Variants in PARP6 observed in about 807,000 individuals in gnomAD.
The protein encoded by PARP6 is poly(ADP-ribose) polymerase family member 6, also known as protein mono-ADP-ribosyltransferase PARP6.
In PARP6, 27 loss-of-function variants were observed where a neutral mutation model predicts 92.0. The ratio of observed to expected loss-of-function variants is 0.29; its 90% CI spans 0.22 to 0.40. The LOEUF (loss-of-function observed/expected upper bound fraction) is 0.40, where lower values mean the gene tolerates loss of function less well. PARP6 is among the 10% of genes least tolerant of loss of function. The pLI is 1.00. For synonymous variants in PARP6, 272 were observed against 281.2 expected (o/e 0.97, Z 0.33); for missense variants, 501 against 784.5 (o/e 0.64, Z 4.32).
Position 72,242,371 on chromosome 15 carries a change from C to T in PARP6, c.1642-151G>A, listed in dbSNP as rs1053659465. ...CGCCGCCCAGAAAATTCTTCTTTCC[C>T]ATAATCAGTCTGGATAGGGTCACAG... On this transcript the variant is annotated intron_variant, in intron 21 of 23. Coordinates refer to ENST00000569795, the MANE Select transcript of PARP6 (RefSeq NM_001323532.2). This position sits in a 1 kb window ranked among gnomAD's most constrained non-coding sequence, Gnocchi z 4.3. 6 of 678,474 alleles carry T rather than the reference C, an allele frequency of 8.8e-6. No homozygotes were observed. In the Admixed American group the frequency reaches 1.0e-4, roughly 11 times the overall value. The allele number at this position is 678,474 out of a possible 1,614,324, so 42.0% of individuals were successfully genotyped here.
intron 14 of PARP6, 92 bp from the exon 15 acceptor site, chr15:72,254,612 T>C: frequency 1.1e-6 from 1 of 919,986 alleles, no homozygotes; most frequent in Non-Finnish European, 1.7e-6. Context: ...ACCAAAAAAG[T>C]CTAGGCCCTA....
intron 2 of PARP6, among the ~76,000 whole-genome samples, chr15:72,270,470 C>T (rs1411643784): frequency 2.0e-5 from 3 of 152,142 alleles, no homozygotes; most frequent in Non-Finnish European, 4.4e-5. Flanking sequence ...AAAGTCAAGT[C>T]TAAATGTTAA....
At chr15:72,255,778 T>TTA in intron 14 of PARP6, among the ~76,000 whole-genome samples, 1 of 74,192 alleles carries the variant, frequency 1.3e-5, no homozygotes, top group African/African-American at 3.9e-5. Flanking sequence ...CATATATTAC[T>TTA]TCTCTCTTTT....
intron 9 of PARP6, 81 bp downstream of exon 9, chr15:72,261,477 G>T: frequency 1.6e-6 from 2 of 1,240,168 alleles, no homozygotes. Flanking sequence ...AGAGGGGATA[G>T]AAACATTTAT....
At position 72,244,720 on chromosome 15, in the gene PARP6, C is replaced by T. The variant is rs561531922; in HGVS notation, c.1562-2021G>A. 2.0e-5 allele frequency: 3 copies of T among 152,330 alleles called. No individual in the cohort carries two copies. In the East Asian group the frequency reaches 5.8e-4, roughly 29 times the overall value. 9.4% of individuals were successfully genotyped at this position (152,330 alleles called of 1,614,324 possible). On this transcript the variant is annotated intron_variant, in intron 20 of 23. Coordinates refer to ENST00000569795, the MANE Select transcript of PARP6 (RefSeq NM_001323532.2). Reference sequence around the variant, plus strand: ...GTAAGTGGAACATTTGCACACATTTCCCCCAACATCCCATTATACATACTC... The same window carrying T: ...GTAAGTGGAACATTTGCACACATTTTCCCCAACATCCCATTATACATACTC...
At chr15:72,260,995 T>C (rs571435780) in intron 9 of PARP6, among the ~76,000 whole-genome samples, 1 of 152,292 alleles carries the variant, frequency 6.6e-6, no homozygotes, top group South Asian at 2.1e-4. Context: ...CTGCCTGTTT[T>C]TCTGAGAGAG....
At chr15:72,266,048 A>G in intron 4 of PARP6, 57 bp from the exon 5 acceptor site, 1 of 1,135,944 alleles carries the variant, frequency 8.8e-7, no homozygotes, top group Non-Finnish European at 1.3e-6. Context: ...AGGGAAAGAG[A>G]GAGATAATAA....
Position 72,260,497 on chromosome 15 carries a change from G to A in PARP6, c.737C>T (p.Pro246Leu). 1 of 1,613,928 alleles carries A rather than the reference G, an allele frequency of 6.2e-7. No homozygotes were observed. Among genetic ancestry groups the A allele is most frequent in the Non-Finnish European group, 8.5e-7 (1 of 1,179,778 alleles). Reference sequence around the variant, plus strand: ...ATGTACCAAAGGAGAGGTCCGTGCTGGGGGAGGGAGGCCCACGTGCTGAGG... The same window carrying A: ...ATGTACCAAAGGAGAGGTCCGTGCTAGGGGAGGGAGGCCCACGTGCTGAGG... ...LCPQHVGLPP[P>L]ARTSPLVSGH... is the part of the protein sequence containing the mutation. The change falls in exon 10 of 24, where the codon CCA becomes CTA. Residue 246 changes from proline to leucine, a missense_variant. Around this residue, in one of 4 missense-constraint regions of PARP6, gnomAD observed 291 missense variants for 352.0 expected, o/e 0.83. Coordinates refer to ENST00000569795, the MANE Select transcript of PARP6 (RefSeq NM_001323532.2).
chr15:72,261,502 G>C, intron 9 of PARP6, 56 bp downstream of exon 9: 1 of 1,460,778 alleles, frequency 6.8e-7, no homozygotes, highest in South Asian at 1.2e-5. Flanking sequence ...TCAAGAAGGT[G>C]GGGGTGGGGG....
intron 19 of PARP6, among the ~76,000 whole-genome samples, chr15:72,249,611 A>G (rs1051954273): frequency 3.3e-5 from 5 of 152,190 alleles, no homozygotes; most frequent in Admixed American, 2.6e-4. Context: ...AGATTCCAAA[A>G]AAGAGGAACT....
chr15:72,258,027 G>C lies in PARP6; in HGVS notation c.906+10C>G, dbSNP rs750502065. On this transcript the variant is annotated intron_variant, in intron 12 of 23. Coordinates refer to ENST00000569795, the MANE Select transcript of PARP6 (RefSeq NM_001323532.2). Reference sequence around the variant, plus strand: ...GTTAAGGAAGAGGGTCATAGAGTACGGTCCTATACCTTCAGCATAGATCCA... The same window carrying C: ...GTTAAGGAAGAGGGTCATAGAGTACCGTCCTATACCTTCAGCATAGATCCA... 3 of 1,581,696 alleles carry C rather than the reference G, an allele frequency of 1.9e-6. No individual in the cohort carries two copies. The African/African-American group carries it at 4.0e-5, about 21-fold the overall frequency.
chr15:72,257,293 G>T, intron 13 of PARP6, 55 bp downstream of exon 13: 2 of 1,221,756 alleles, frequency 1.6e-6, no homozygotes, highest in Non-Finnish European at 2.4e-6. Flanking sequence ...GAAATTGCTG[G>T]GTTCCTCTGT....
intron 20 of PARP6, among the ~76,000 whole-genome samples, chr15:72,248,348 CT>C (rs879617655): frequency 4.3e-4 from 62 of 144,518 alleles, no homozygotes; most frequent in Admixed American, 5.5e-4. Context: ...TTTCTTTTTT[CT>C]TTTTTTTTTT....
At chr15:72,268,128 C>A (rs886307963) in intron 2 of PARP6, among the ~76,000 whole-genome samples, 1 of 152,208 alleles carries the variant, frequency 6.6e-6, no homozygotes, top group Non-Finnish European at 1.5e-5. Flanking sequence ...TGCACACTTG[C>A]ACATGCAGTT....
intron 12 of PARP6, 24 bp downstream of exon 12, chr15:72,258,013 G>C (rs1188779067): frequency 6.6e-7 from 1 of 1,509,698 alleles, no homozygotes; most frequent in Non-Finnish European, 9.2e-7. Context: ...TTAAGGAAGA[G>C]GGTCATAGAG....
At chr15:72,254,954 G>C (rs1480810850) in intron 14 of PARP6, among the ~76,000 whole-genome samples, 2 of 152,180 alleles carry the variant, frequency 1.3e-5, no homozygotes, top group Admixed American at 6.5e-5. Flanking sequence ...GTGTTTGTGA[G>C]GGTGTTTCTG....
In PARP6 at chr15:72,253,516, T is replaced by C. The variant is rs3803388; in HGVS notation, c.1192-12A>G. On this transcript the variant is annotated splice_polypyrimidine_tract_variant and intron_variant, in intron 15 of 23. Transcript: ENST00000569795. Reference sequence around the variant, plus strand: ...TCCAAATATGAGCCCTGTAAGACAATGGCCATAACGTTATCTCCTTGGAGA... The same window carrying C: ...TCCAAATATGAGCCCTGTAAGACAACGGCCATAACGTTATCTCCTTGGAGA... 0.031 allele frequency: 49,607 copies of C among 1,609,870 alleles called. 1,619 individuals carry two copies. Among genetic ancestry groups the C allele is most frequent in the East Asian group, 0.2 (8,761 of 44,820 alleles).
In PARP6 at chr15:72,265,860, G is replaced by A. The variant is rs753137987; in HGVS notation, c.176+37C>T. The A allele has an allele frequency of 2.8e-5, 38 of 1,371,380 alleles. 1 individual carries two copies. The Admixed American group carries it at 5.9e-4, about 21-fold the overall frequency. The allele number at this position is 1,371,380 out of a possible 1,614,324, so 85.0% of individuals were successfully genotyped here. A position where few individuals can be genotyped will look rare whatever the true frequency, so the allele number is the denominator to read the frequency against. Reference sequence around the variant, plus strand: ...GCCTTTTAACAACTCAGAAAGAAGTGACTTGCTCCCCTGCCACCCCTGAAG... The same window carrying A: ...GCCTTTTAACAACTCAGAAAGAAGTAACTTGCTCCCCTGCCACCCCTGAAG... On this transcript the variant is annotated intron_variant, in intron 5 of 23. Transcript: ENST00000569795.
At chr15:72,266,073 G>T in intron 4 of PARP6, 82 bp from the exon 5 acceptor site, 1 of 965,934 alleles carries the variant, frequency 1.0e-6, no homozygotes, top group Non-Finnish European at 1.7e-6. Context: ...AATATGAAAA[G>T]ACACCAGGAA....
Sources: gnomAD v4.1 joint callset for allele counts (sites outside exome capture counted in the v4.1 genomes callset) on GRCh38, gnomAD v4.1.1 for gene constraint, gnomAD v4.1.1 regional missense constraint, Gnocchi (gnomAD v3.1) non-coding constraint, MANE v1.5 for transcripts, NCBI Gene and HGNC (gene_info 2026-07-23, HGNC 2026-07-21) for gene names.